Variants in TMEM117 observed in about 807,000 individuals in gnomAD.
The protein encoded by TMEM117 is transmembrane protein 117.
Under a neutral mutation model 52.4 loss-of-function variants are expected in TMEM117, and 27 were observed. The ratio of observed to expected loss-of-function variants is 0.51; its 90% CI spans 0.38 to 0.71. The LOEUF (loss-of-function observed/expected upper bound fraction) is 0.71. Among genes scored for constraint, TMEM117 ranks in the 30% least tolerant of loss-of-function variants. The probability of loss-of-function intolerance (pLI) is 0.00; values close to 1 mark genes in which losing one functional copy is unlikely to be tolerated. For synonymous variants in TMEM117, 215 were observed against 206.3 expected, an observed-to-expected ratio of 1.04 and a Z score of -0.36; for missense variants, 556 against 630.5, an observed-to-expected ratio of 0.88 and a Z score of 1.26.
At chr12:44,153,307 T>A (rs11182426) in intron 4 of TMEM117, among the ~76,000 whole-genome samples, 25,620 of 152,038 alleles carry the variant, frequency 0.17, 3,295 homozygotes, top group East Asian at 0.54. Flanking sequence ...AAAGTTTTTA[T>A]TGTTTTCACA....
At chr12:44,147,662 G>A (rs1031118371) in intron 4 of TMEM117, among the ~76,000 whole-genome samples, 4 of 152,034 alleles carry the variant, frequency 2.6e-5, no homozygotes, top group African/African-American at 7.2e-5. Flanking sequence ...TGGGCCGGGC[G>A]CGGTGGCTCA....
the TMEM117 span, chr12:43,806,376 C>CGTGAG: frequency 1.6e-6 from 2 of 1,222,530 alleles, no homozygotes; most frequent in Admixed American, 4.5e-5. Context: ...CGCCCCGCCC[C>CGTGAG]GTGAGGTTGA....
At chr12:43,812,695 T>C in the TMEM117 span, among the ~76,000 whole-genome samples, 1 of 152,054 alleles carries the variant, frequency 6.6e-6, no homozygotes, top group Non-Finnish European at 1.5e-5. Context: ...GATCCTATAC[T>C]AGGCTGGGCT....
At chr12:44,275,241 C>T (rs1823260904) in intron 5 of TMEM117, among the ~76,000 whole-genome samples, 1 of 152,104 alleles carries the variant, frequency 6.6e-6, no homozygotes, top group Non-Finnish European at 1.5e-5. Context: ...ATCAGAACTG[C>T]AGTGAGATGT....
chr12:44,299,542 T>A, intron 5 of TMEM117, 38 bp from the exon 6 acceptor site: 4 of 1,608,170 alleles, frequency 2.5e-6, no homozygotes, highest in Non-Finnish European at 3.4e-6. Context: ...CTATATTTTA[T>A]GCCTTATGTT....
chr12:44,115,810 T>TA (rs1257658632), intron 3 of TMEM117, among the ~76,000 whole-genome samples: 10 of 152,304 alleles, frequency 6.6e-5, no homozygotes, highest in Admixed American at 6.5e-4. Context: ...TCAAGAAACT[T>TA]AGAGTTAAAT....
chr12:44,304,587 G>C (rs1462048450), intron 6 of TMEM117, among the ~76,000 whole-genome samples: 1 of 152,168 alleles, frequency 6.6e-6, no homozygotes, highest in African/African-American at 2.4e-5. Flanking sequence ...CAGGAGAGGA[G>C]AGCAGACAGT....
intron 2 of TMEM117, among the ~76,000 whole-genome samples, chr12:43,864,252 C>G (rs1314768556): frequency 1.2e-4 from 19 of 152,218 alleles, no homozygotes; most frequent in Admixed American, 1.2e-3. Context: ...GGCACCCAGT[C>G]CCACCCACCG....
chr12:44,167,195 C>G (rs1231021750), intron 4 of TMEM117, among the ~76,000 whole-genome samples: 2 of 152,162 alleles, frequency 1.3e-5, no homozygotes, highest in Non-Finnish European at 2.9e-5. Flanking sequence ...AACGTCTCCA[C>G]AGATGGTTTT....
chr12:44,378,650 A>G (rs962048342), intron 7 of TMEM117, among the ~76,000 whole-genome samples: 13 of 152,180 alleles, frequency 8.5e-5, no homozygotes, highest in Non-Finnish European at 1.5e-4. Flanking sequence ...ACTACATATT[A>G]ATCTGGTTTG....
At chr12:44,200,480 C>A (rs996269357) in intron 4 of TMEM117, among the ~76,000 whole-genome samples, 4 of 152,086 alleles carry the variant, frequency 2.6e-5, no homozygotes, top group Admixed American at 2.6e-4. Flanking sequence ...AGGAAACAAG[C>A]CTCTCATGGA....
At chr12:43,821,530 C>T in the TMEM117 span, among the ~76,000 whole-genome samples, 1 of 152,224 alleles carries the variant, frequency 6.6e-6, no homozygotes, top group Non-Finnish European at 1.5e-5. Context: ...ATCCTCCCAC[C>T]TTAGCCTCCC....
intron 4 of TMEM117, among the ~76,000 whole-genome samples, chr12:44,194,575 C>A (rs1010714569): frequency 1.3e-5 from 2 of 152,166 alleles, no homozygotes; most frequent in Admixed American, 6.5e-5. Flanking sequence ...CCTGTAATCC[C>A]AGCATTTTGG....
intron 3 of TMEM117, among the ~76,000 whole-genome samples, chr12:44,111,550 G>C (rs1435742089): frequency 4.0e-5 from 3 of 75,686 alleles, no homozygotes; most frequent in African/African-American, 2.5e-4. Flanking sequence ...GTTCTAGTTT[G>C]ATTGCACTGT....
chr12:44,183,333 C>G (rs997307856), intron 4 of TMEM117, among the ~76,000 whole-genome samples: 1 of 152,120 alleles, frequency 6.6e-6, no homozygotes, highest in Non-Finnish European at 1.5e-5. Context: ...ATGCATTGCT[C>G]TCTTAATTTT....
intron 4 of TMEM117, among the ~76,000 whole-genome samples, chr12:44,163,897 G>GACA (rs1948929722): frequency 6.6e-6 from 1 of 152,118 alleles, no homozygotes; most frequent in African/African-American, 2.4e-5. Context: ...CAGGTCAACT[G>GACA]GATTTTCCCA....
intron 2 of TMEM117, among the ~76,000 whole-genome samples, chr12:43,897,497 G>T (rs1448028497): frequency 1.3e-5 from 2 of 151,734 alleles, no homozygotes; most frequent in Non-Finnish European, 2.9e-5. Context: ...ATTTTTAGTA[G>T]AGATGGGGTT....
chr12:44,025,209 A>G (rs1946514274), intron 3 of TMEM117, among the ~76,000 whole-genome samples: 1 of 152,164 alleles, frequency 6.6e-6, no homozygotes, highest in African/African-American at 2.4e-5. Flanking sequence ...ATCTTGTATA[A>G]TAATAATAAT....
At chr12:43,975,903 G>A (rs55996795) in intron 3 of TMEM117, among the ~76,000 whole-genome samples, 11,513 of 152,134 alleles carry the variant, frequency 0.076, 696 homozygotes, top group African/African-American at 0.18. Flanking sequence ...ACTGATAGCT[G>A]GATGACCCTC....
Sources: gnomAD v4.1 joint callset for allele counts (sites outside exome capture counted in the v4.1 genomes callset) on GRCh38, gnomAD v4.1.1 for gene constraint, MANE v1.5 for transcripts, NCBI Gene and HGNC (gene_info 2026-07-23, HGNC 2026-07-21) for gene names.